SAMSN1: variants seen among roughly 807,000 people sequenced by gnomAD.
SAMSN1 encodes SAM domain, SH3 domain and nuclear localization signals 1.
A neutral mutation model predicts 42.0 loss-of-function variants in SAMSN1; 31 were observed. The observed-to-expected ratio is 0.74, with a 90% CI of 0.55 to 1.00. SAMSN1 has a LOEUF of 1.00. Among genes scored for constraint, SAMSN1 ranks in the 50% least tolerant of loss-of-function variants. The pLI is 0.00. For missense variants in SAMSN1, 464 were observed against 439.4 expected (o/e 1.06, Z -0.50); for synonymous variants, 178 against 151.9 (o/e 1.17, Z -1.26).
At chr21:14,563,179 C>T (rs1387818280) in intron 2 of SAMSN1, among the ~76,000 whole-genome samples, 1 of 151,748 alleles carries the variant, frequency 6.6e-6, no homozygotes, top group African/African-American at 2.4e-5. Flanking sequence ...CCTCCTGAGA[C>T]ACAACATGTC....
intron 1 of SAMSN1, among the ~76,000 whole-genome samples, chr21:14,537,559 A>G (rs894478878): frequency 6.6e-6 from 1 of 152,240 alleles, no homozygotes; most frequent in Non-Finnish European, 1.5e-5. Flanking sequence ...TGAATGAACG[A>G]ATGCATGGAT....
chr21:14,546,491 T>C (rs142755891), upstream of SAMSN1: 1 of 488,216 alleles, frequency 2.0e-6, no homozygotes, highest in African/African-American at 2.0e-5. Context: ...ATGAGGTATG[T>C]TCCAAATCTC....
chr21:14,539,480 G>C (rs1444072201), intron 1 of SAMSN1, among the ~76,000 whole-genome samples: 5 of 152,026 alleles, frequency 3.3e-5, no homozygotes, highest in Non-Finnish European at 5.9e-5. Flanking sequence ...AAAATCACAA[G>C]CATTCTTACA....
chr21:14,610,463 C>T (rs533290351), intron 4 of SAMSN1, among the ~76,000 whole-genome samples: 31 of 152,304 alleles, frequency 2.0e-4, no homozygotes, highest in African/African-American at 7.2e-4. Flanking sequence ...ATTAGTGATT[C>T]TAGTTTCACC....
intron 2 of SAMSN1, among the ~76,000 whole-genome samples, chr21:14,620,767 C>T (rs746459936): frequency 1.3e-5 from 2 of 152,242 alleles, no homozygotes; most frequent in East Asian, 1.9e-4. Flanking sequence ...ACTGGAGATA[C>T]ATATAGATGA....
At chr21:14,498,680 C>T in intron 6 of SAMSN1, 88 bp from the exon 7 acceptor site, 2 of 1,035,538 alleles carry the variant, frequency 1.9e-6, no homozygotes, top group Non-Finnish European at 1.3e-6. Flanking sequence ...TATAGAGATG[C>T]ACATGGGGAC....
In SAMSN1 at chr21:14,485,805, G is replaced by T; in HGVS notation, c.*107C>A. 1.2e-6 allele frequency: 1 copy of T among 865,486 alleles called. No individual in the cohort carries two copies. Among genetic ancestry groups the T allele is most frequent in the East Asian group, 2.5e-5 (1 of 39,250 alleles). 53.6% of individuals were successfully genotyped at this position (865,486 alleles called of 1,614,324 possible). On this transcript the variant is annotated 3_prime_UTR_variant, in exon 8 of 8. Transcript: ENST00000400566. ...TTCAGATTAAAACATTTAAACTTTA[G>T]GTTTTATTTACAAATATTTATCTTA...
At chr21:14,581,089 A>G (rs937904104) in intron 2 of SAMSN1, among the ~76,000 whole-genome samples, 2 of 152,150 alleles carry the variant, frequency 1.3e-5, no homozygotes, top group Non-Finnish European at 2.9e-5. Flanking sequence ...AAAAAGTAGC[A>G]CAGCCAGAAT....
chr21:14,500,388 T>A (rs1449250699), intron 6 of SAMSN1, 141 bp downstream of exon 6: 1 of 666,336 alleles, frequency 1.5e-6, no homozygotes, highest in East Asian at 2.7e-5. Flanking sequence ...AAAAGAGAAA[T>A]AAGAGCTCTT....
rs190757468 is a variant in SAMSN1 at position 14,634,141 on chromosome 21, T to C, written c.156+8861A>G. Among the ~76,000 whole-genome samples, 526 of 151,898 alleles carry C rather than the reference T, an allele frequency of 3.5e-3. 2 individuals are homozygous for C. The highest frequency in any genetic ancestry group is 0.011 in the African/African-American group (456 of 41,454). On this transcript the variant is annotated intron_variant, in intron 2 of 15. Coordinates refer to the SAMSN1 transcript ENST00000647101. ...AAACTGAAACTGGACCCCTTCCTTA[T>C]ACCTTATACAAAAATTAACTCAAGA...
upstream of SAMSN1, among the ~76,000 whole-genome samples, chr21:14,548,524 A>G (rs1980501998): frequency 6.6e-6 from 1 of 152,168 alleles, no homozygotes; most frequent in South Asian, 2.1e-4. Context: ...ATGGATCTCT[A>G]GGCACTTCAC....
chr21:14,584,061 C>G (rs1981846312), upstream of SAMSN1, among the ~76,000 whole-genome samples: 1 of 150,554 alleles, frequency 6.6e-6, no homozygotes, highest in Non-Finnish European at 1.5e-5. Context: ...CTATAAATGA[C>G]TCACTCCTGC....
intron 1 of SAMSN1, among the ~76,000 whole-genome samples, chr21:14,648,160 C>G (rs1378726988): frequency 6.6e-6 from 1 of 151,880 alleles, no homozygotes; most frequent in Non-Finnish European, 1.5e-5. Flanking sequence ...AAATACATCC[C>G]ATCAATACCT....
Position 14,498,480 on chromosome 21 carries a change from C to T in SAMSN1, c.881G>A (p.Arg294Lys). 2.5e-6 allele frequency: 4 copies of T among 1,611,142 alleles called. No homozygotes were observed. Among genetic ancestry groups the T allele is most frequent in the Non-Finnish European group, 3.4e-6 (4 of 1,179,174 alleles). ...GAAGTTTTCAGCAGCTGATAGTAAC[C>T]TTCTTCTGTCATCTGGGTTTTCAAT... The part of the protein sequence containing the change: ...LNIENPDDRR[R>K]LLSAAENFLE... Residue 294 changes from arginine to lysine, a missense_variant, in exon 7 of 8, where the codon AGG becomes AAG. Coordinates refer to ENST00000400566, the MANE Select transcript of SAMSN1 (RefSeq NM_022136.5).
At chr21:14,643,058 C>T in exon 2 of SAMSN1, 1 of 717,326 alleles carries the variant, frequency 1.4e-6, no homozygotes, top group Non-Finnish European at 2.6e-6. Flanking sequence ...ATAGGAGAAT[C>T]AGTTCTACTA....
intron 2 of SAMSN1, among the ~76,000 whole-genome samples, chr21:14,634,058 A>G (rs1321522709): frequency 6.6e-6 from 1 of 152,100 alleles, no homozygotes; most frequent in Non-Finnish European, 1.5e-5. Flanking sequence ...TAATTTTATT[A>G]TTATCATTAT....
chr21:14,494,563 G>C (rs895213848), intron 7 of SAMSN1, among the ~76,000 whole-genome samples: 1 of 152,090 alleles, frequency 6.6e-6, no homozygotes, highest in Non-Finnish European at 1.5e-5. Flanking sequence ...GTCAGGGGGT[G>C]GGGGGCTAGG....
At chr21:14,592,126 A>T (rs1422231710) in intron 7 of SAMSN1, 1 of 152,206 alleles carries the variant, frequency 6.6e-6, no homozygotes, top group Non-Finnish European at 1.5e-5. Context: ...AAAAGGCCAC[A>T]GAAGCCACAT....
chr21:14,608,200 G>A (rs1696724310), intron 5 of SAMSN1, among the ~76,000 whole-genome samples: 1 of 152,194 alleles, frequency 6.6e-6, no homozygotes, highest in African/African-American at 2.4e-5. Context: ...CCTTGAAAGA[G>A]CCACTAAAAA....
Sources: gnomAD v4.1 joint callset for allele counts (sites outside exome capture counted in the v4.1 genomes callset) on GRCh38, gnomAD v4.1.1 for gene constraint, MANE v1.5 for transcripts, NCBI Gene and HGNC (gene_info 2026-07-23, HGNC 2026-07-21) for gene names.